Variants in PCDH11X observed in about 807,000 individuals in gnomAD.
The protein encoded by PCDH11X is protocadherin 11 X-linked, also known as protocadherin-11 X-linked.
A neutral mutation model predicts 53.3 loss-of-function variants in PCDH11X; 18 were observed. The observed-to-expected ratio is 0.34, with a 90% confidence interval of 0.23 to 0.50. The LOEUF is 0.50. PCDH11X is among the 20% of genes least tolerant of loss of function. PCDH11X has a pLI of 0.98. For missense variants in PCDH11X, 570 were observed against 1,032.4 expected (o/e 0.55, Z 6.14); for synonymous variants, 279 against 393.3 (o/e 0.71, Z 3.44).
At chrX:91,945,915 A>G (rs1385074482) in intron 6 of PCDH11X, among the ~76,000 whole-genome samples, 3 of 109,993 alleles carry the variant, frequency 2.7e-5, no homozygotes, top group African/African-American at 9.9e-5. Context: ...AGTACCAACT[A>G]CTTTTGGCAT....
In PCDH11X at chrX:92,173,249, T is replaced by A. The variant is rs554180265; in HGVS notation, c.3034-28126T>A. On this transcript the variant is annotated intron_variant, in intron 6 of 10. Coordinates refer to ENST00000682573, the MANE Select transcript of PCDH11X (RefSeq NM_032968.5). ...CTAGGACTTAATGCTGGTAAACTTG[T>A]CCTTGAAAACTTGATTTGTAATCAT... 1.7e-4 allele frequency among the ~76,000 whole-genome samples: 19 copies of A among 111,987 alleles called. No individual in the cohort carries two copies. In the South Asian group the frequency reaches 7.0e-3, roughly 41 times the overall value.
rs771823629 is a variant in PCDH11X, at chrX:92,111,219, TAAAAAAAAAAAA to T, written c.3034-90135_3034-90124del. Among the ~76,000 whole-genome samples, 4 of 19,817 alleles carry T rather than the reference TAAAAAAAAAAAA, an allele frequency of 2.0e-4. No individual in the cohort carries two copies. In the South Asian group the frequency reaches 0.023, roughly 115 times the overall value. The allele number at this position is 19,817 out of a possible 115,157, so 17.2% of individuals were successfully genotyped here. A position where few individuals can be genotyped will look rare whatever the true frequency, so the allele number is the denominator to read the frequency against. ...GAGCTGGATTTGAATCACCTAACGC[TAAAAAAAAAAAA>T]AAAAAAAAAAAAAAAAAAAATCAGC... On this transcript the variant is annotated intron_variant, in intron 6 of 10. Coordinates refer to ENST00000682573, the MANE Select transcript of PCDH11X (RefSeq NM_032968.5).
At chrX:91,990,668 C>A (rs1472759703) in intron 6 of PCDH11X, among the ~76,000 whole-genome samples, 1 of 108,220 alleles carries the variant, frequency 9.2e-6, no homozygotes, top group Admixed American at 1.0e-4. Context: ...TAGCGGAAAT[C>A]CCAATTTCCC....
chrX:92,174,630 A>C (rs186858609), intron 6 of PCDH11X, among the ~76,000 whole-genome samples: 3 of 112,016 alleles, frequency 2.7e-5, no homozygotes, highest in East Asian at 5.6e-4. Context: ...TTTTAAAAGA[A>C]AGAAGATCTA....
At chrX:92,379,608 C>G (rs758791287) in intron 8 of PCDH11X, among the ~76,000 whole-genome samples, 1 of 110,995 alleles carries the variant, frequency 9.0e-6, no homozygotes, top group Admixed American at 9.4e-5. Context: ...GAAGTCCCAC[C>G]TTCCGGTCAG....
intron 6 of PCDH11X, among the ~76,000 whole-genome samples, chrX:91,932,695 TGTGTGC>T (rs761391671): frequency 0.065 from 6,998 of 107,384 alleles, 251 homozygotes; most frequent in African/African-American, 0.11. Context: ...TGTGTGTGTG[TGTGTGC>T]GCGCGCGCGC....
chrX:92,585,623 G>T (rs1486685573), intron 10 of PCDH11X, among the ~76,000 whole-genome samples: 1 of 110,014 alleles, frequency 9.1e-6, no homozygotes, highest in African/African-American at 3.3e-5. Flanking sequence ...ACCCGCCTCG[G>T]CCTCCCAAAG....
intron 6 of PCDH11X, among the ~76,000 whole-genome samples, chrX:92,070,794 T>C (rs1402808849): frequency 9.0e-6 from 1 of 110,728 alleles, no homozygotes; most frequent in African/African-American, 3.3e-5. Flanking sequence ...TTAAGGCCAG[T>C]AACTCTTTTT....
intron 6 of PCDH11X, among the ~76,000 whole-genome samples, chrX:92,132,031 G>GT (rs2064981038): frequency 9.6e-6 from 1 of 103,998 alleles, no homozygotes; most frequent in African/African-American, 3.5e-5. Flanking sequence ...CAGCACTTTG[G>GT]GAGGCCGAGG....
At chrX:91,969,967 T>C (rs942198470) in intron 6 of PCDH11X, among the ~76,000 whole-genome samples, 20 of 110,163 alleles carry the variant, frequency 1.8e-4, no homozygotes, top group Non-Finnish European at 3.2e-4. Context: ...ATTTGTAAAA[T>C]AAGTATAATA....
intron 6 of PCDH11X, among the ~76,000 whole-genome samples, chrX:92,067,357 G>GT (rs1029273869): frequency 9.1e-6 from 1 of 109,702 alleles, no homozygotes; most frequent in African/African-American, 3.3e-5. Context: ...GTTTTTGAGG[G>GT]TTTTTATCAG....
chrX:91,854,771 C>T (rs764446876), intron 5 of PCDH11X, among the ~76,000 whole-genome samples: 1 of 111,888 alleles, frequency 8.9e-6, no homozygotes, highest in East Asian at 2.8e-4. Context: ...TTTCATATGC[C>T]TGTTTGCCAT....
At chrX:92,175,805 G>T (rs55646996) in intron 6 of PCDH11X, among the ~76,000 whole-genome samples, 49,817 of 90,461 alleles carry the variant, frequency 0.55, 10,304 homozygotes, top group Non-Finnish European at 0.64. Flanking sequence ...CACACACACA[G>T]AGAGAGAGAG....
intron 9 of PCDH11X, among the ~76,000 whole-genome samples, chrX:92,431,484 G>C (rs867978377): frequency 1.5e-4 from 17 of 110,474 alleles, no homozygotes; most frequent in African/African-American, 5.5e-4. Flanking sequence ...AAGGAGGTAA[G>C]GGGAAAAATG....
At chrX:92,444,254 G>A (rs778373925) in intron 9 of PCDH11X, among the ~76,000 whole-genome samples, 11 of 107,491 alleles carry the variant, frequency 1.0e-4, no homozygotes, top group Non-Finnish European at 3.8e-5. Flanking sequence ...ACCTTGGTTA[G>A]ATGTGTTCCT....
intron 6 of PCDH11X, among the ~76,000 whole-genome samples, chrX:91,945,048 CATATAT>C (rs754168068): frequency 9.5e-5 from 6 of 63,240 alleles, no homozygotes; most frequent in Non-Finnish European, 1.9e-4. Context: ...ACATCATATA[CATATAT>C]ATATATATAT....
chrX:92,106,884 A>G (rs2148148676), intron 6 of PCDH11X, among the ~76,000 whole-genome samples: 1 of 111,536 alleles, frequency 9.0e-6, no homozygotes, highest in Non-Finnish European at 1.9e-5. Context: ...GAAGAGGGGA[A>G]GGCACATGCC....
chrX:92,321,318 G>A (rs1437146097), intron 8 of PCDH11X, among the ~76,000 whole-genome samples: 2 of 105,647 alleles, frequency 1.9e-5, no homozygotes, highest in Non-Finnish European at 3.9e-5. Context: ...TCAGCCTCCC[G>A]AGTAGCTGGA....
chrX:92,250,610 TAA>T (rs143327783), intron 7 of PCDH11X, among the ~76,000 whole-genome samples: 1 of 105,576 alleles, frequency 9.5e-6, no homozygotes, highest in African/African-American at 3.4e-5. Context: ...TATATATATA[TAA>T]AATAATATGT....
Sources: gnomAD v4.1 joint callset for allele counts (sites outside exome capture counted in the v4.1 genomes callset) on GRCh38, gnomAD v4.1.1 for gene constraint, MANE v1.5 for transcripts, NCBI Gene and HGNC (gene_info 2026-07-23, HGNC 2026-07-21) for gene names.